The following EIF3E variants were observed in gnomAD, a reference collection of about 807,000 sequenced individuals.
EIF3E encodes eukaryotic translation initiation factor 3 subunit E.
Under a neutral mutation model 59.3 loss-of-function variants are expected in EIF3E, and 25 were observed. That is an observed-to-expected ratio of 0.42 (90% confidence interval 0.31 to 0.59). The LOEUF (loss-of-function observed/expected upper bound fraction) is 0.59. EIF3E is among the 20% of genes least tolerant of loss of function. The probability of loss-of-function intolerance (pLI) is 0.15; values close to 1 mark genes in which losing one functional copy is unlikely to be tolerated. For synonymous variants in EIF3E, 176 were observed against 170.2 expected (o/e 1.03, Z -0.26); for missense variants, 317 against 534.3 (o/e 0.59, Z 4.01).
intron 1 of EIF3E, among the ~76,000 whole-genome samples, chr8:108,245,934 C>T (rs1177201801): frequency 1.3e-5 from 2 of 152,128 alleles, no homozygotes; most frequent in Admixed American, 6.5e-5. Flanking sequence ...CTAAATGTTC[C>T]AAGACCCCCC....
chr8:108,212,629 C>T (rs1815233540), intron 10 of EIF3E, among the ~76,000 whole-genome samples: 1 of 152,104 alleles, frequency 6.6e-6, no homozygotes, highest in Admixed American at 6.6e-5. Context: ...TGGTGAAACC[C>T]CATCTCTACT....
At chr8:108,226,341 C>T (rs1482200728) in intron 7 of EIF3E, 2 of 152,016 alleles carry the variant, frequency 1.3e-5, no homozygotes, top group Admixed American at 1.3e-4. Flanking sequence ...TTACAGGTGC[C>T]TACCACCACG....
chr8:108,235,098 C>G lies in EIF3E; in HGVS notation c.371G>C (p.Arg124Thr). The part of the protein sequence containing the change: ...FDYLADKHGF[R>T]QEYLDTLYRY... Reference sequence around the variant, plus strand: ...GTAGAGTGTATCTAAATATTCCTGCCTAAACTAAAAAGAAAAAAAAAAGAT... The same window carrying G: ...GTAGAGTGTATCTAAATATTCCTGCGTAAACTAAAAAGAAAAAAAAAAGAT... The change falls in exon 5 of 13, where the codon AGG becomes ACG. Residue 124 changes from arginine (R) to threonine (T), a missense_variant. By Grantham distance (71) the Arg-to-Thr change is moderately conservative. Coordinates refer to ENST00000220849, the MANE Select transcript of EIF3E (RefSeq NM_001568.3). The G allele has an allele frequency of 6.5e-7, 1 of 1,532,614 alleles. No homozygotes were observed. Among genetic ancestry groups the G allele is most frequent in the Non-Finnish European group, 8.7e-7 (1 of 1,142,934 alleles). 94.9% of individuals were successfully genotyped at this position (1,532,614 alleles called of 1,614,324 possible). A position where few individuals can be genotyped will look rare whatever the true frequency, so the allele number is the denominator to read the frequency against.
chr8:108,223,228 G>A (rs635941), intron 7 of EIF3E, among the ~76,000 whole-genome samples: 54,696 of 151,964 alleles, frequency 0.36, 11,102 homozygotes, highest in East Asian at 0.5. Flanking sequence ...GTAAATCTGA[G>A]CTGGACCTTA....
chr8:108,235,073 G>A lies in EIF3E; in HGVS notation c.396C>T (p.Tyr132=). 6.4e-7 allele frequency: 1 copy of A among 1,574,370 alleles called. No homozygotes were observed. Among genetic ancestry groups the A allele is most frequent in the Non-Finnish European group, 8.6e-7 (1 of 1,165,952 alleles). ...ATTCGTACTGGAATTTTGCATATCT[G>A]TAGAGTGTATCTAAATATTCCTGCC... is the stretch of plus-strand genomic sequence containing the variant. ...GFRQEYLDTL[Y]RYAKFQYECG... Residue 132 remains tyrosine, a synonymous_variant, in exon 5 of 13, where the codon TAC becomes TAT. Transcript: ENST00000220849.
chr8:108,244,888 A>G (rs929498447), intron 1 of EIF3E, among the ~76,000 whole-genome samples: 1 of 151,890 alleles, frequency 6.6e-6, no homozygotes, highest in African/African-American at 2.4e-5. Flanking sequence ...TTATTCGATC[A>G]CATCTGTGCT....
intron 1 of EIF3E, chr8:108,242,584 C>T (rs1486679619): frequency 1.7e-6 from 2 of 1,164,028 alleles, no homozygotes; most frequent in Non-Finnish European, 2.2e-6. Context: ...AAGAAAAATC[C>T]AAGAAAATGC....
At chr8:108,240,486 C>T (rs1369902937) in intron 2 of EIF3E, among the ~76,000 whole-genome samples, 1 of 152,138 alleles carries the variant, frequency 6.6e-6, no homozygotes, top group Non-Finnish European at 1.5e-5. Flanking sequence ...TGAAGAAAAA[C>T]TCAGAGGGAT....
At chr8:108,238,257 T>C (rs1289580721) in intron 3 of EIF3E, among the ~76,000 whole-genome samples, 1 of 152,244 alleles carries the variant, frequency 6.6e-6, no homozygotes, top group African/African-American at 2.4e-5. Flanking sequence ...GATGTGTGTA[T>C]ATATCTCTGT....
chr8:108,242,597 C>T, intron 1 of EIF3E: 1 of 1,167,972 alleles, frequency 8.6e-7, no homozygotes, highest in Non-Finnish European at 1.1e-6. Context: ...GAAAATGCCA[C>T]AATATTTCAC....
In EIF3E at chr8:108,203,508, T is replaced by A. The variant is rs1244794335; in HGVS notation, c.1062-5A>T. The A allele has an allele frequency of 6.2e-7, 1 of 1,611,680 alleles. No homozygotes were observed. On this transcript the variant is annotated splice_region_variant and splice_polypyrimidine_tract_variant and intron_variant, in intron 10 of 12. Transcript: ENST00000220849. ...TTCAATTTATCTGCCAACATGCTAATGAAAAAGTAAAAACAGCAATGTTAA... is the reference window on the plus strand; with the variant it reads ...TTCAATTTATCTGCCAACATGCTAAAGAAAAAGTAAAAACAGCAATGTTAA...
Position 108,245,299 on chromosome 8 carries a change from CTACAAAAAA to C in EIF3E, c.90+3305_90+3313del, listed in dbSNP as rs530955162. Among the ~76,000 whole-genome samples the C allele has an allele frequency of 7.2e-5, 11 of 152,158 alleles. No homozygotes were observed. The East Asian group carries it at 1.9e-3, about 27-fold the overall frequency. On this transcript the variant is annotated intron_variant, in intron 1 of 12. Coordinates refer to ENST00000220849, the MANE Select transcript of EIF3E (RefSeq NM_001568.3). ...TGGGTAACATGGTGAAACCCCATCT[CTACAAAAAA>C]TACAAAAAAAATCAGCCGGACATGG... is the stretch of plus-strand genomic sequence containing the variant.
At chr8:108,248,505 C>A (rs1042086431) in intron 1 of EIF3E, 108 bp downstream of exon 1, 1 of 1,092,870 alleles carries the variant, frequency 9.2e-7, no homozygotes, top group Admixed American at 2.2e-5. Context: ...GAACCAAACT[C>A]GCGACCGCCT....
At position 108,202,989 on chromosome 8, in the gene EIF3E, C is replaced by T. The variant is rs534047089; in HGVS notation, c.1293G>A (p.Arg431=). 1.8e-5 allele frequency: 29 copies of T among 1,611,418 alleles called. No individual in the cohort carries two copies. In the South Asian group the frequency reaches 2.6e-4, roughly 15 times the overall value. Residue 431 remains arginine (R), a synonymous_variant, in exon 12 of 13, where the codon AGG becomes AGA. Transcript: ENST00000220849. ...GAAGATGTGTGGTTCTTACCTCTGACCTGCTATTCTGATTAAGTTTCTTCT... is the reference window on the plus strand; with the variant it reads ...GAAGATGTGTGGTTCTTACCTCTGATCTGCTATTCTGATTAAGTTTCTTCT... ...NIEKKLNQNS[R]SEAPNWATQD... is the part of the protein sequence containing the mutation.
rs187987440 is a variant in EIF3E at position 108,245,128 on chromosome 8, C to G, written c.91-3215G>C. Among the ~76,000 whole-genome samples, 207 of 151,280 alleles carry G rather than the reference C, an allele frequency of 1.4e-3. 2 individuals are homozygous for G. The highest frequency in any genetic ancestry group is 6.8e-3 in the Middle Eastern group (2 of 294). ...CTCCTCAAAACCCTCACTGCCCCCCCCTCCCATCCCATACCAATACAGAAT... is the reference window on the plus strand; with the variant it reads ...CTCCTCAAAACCCTCACTGCCCCCCGCTCCCATCCCATACCAATACAGAAT... On this transcript the variant is annotated intron_variant, in intron 1 of 12. Coordinates refer to ENST00000220849, the MANE Select transcript of EIF3E (RefSeq NM_001568.3).
At chr8:108,224,016 G>C (rs1272933514) in intron 7 of EIF3E, among the ~76,000 whole-genome samples, 1 of 150,762 alleles carries the variant, frequency 6.6e-6, no homozygotes, top group Non-Finnish European at 1.5e-5. Flanking sequence ...AGGAGATAGA[G>C]ACCATCCTGG....
intron 2 of EIF3E, among the ~76,000 whole-genome samples, chr8:108,240,737 C>T (rs899567764): frequency 6.6e-6 from 1 of 152,196 alleles, no homozygotes; most frequent in Non-Finnish European, 1.5e-5. Context: ...ACCCCAGCAA[C>T]TTGGGAGGCC....
intron 2 of EIF3E, among the ~76,000 whole-genome samples, chr8:108,240,646 G>A (rs191092835): frequency 6.6e-6 from 1 of 152,248 alleles, no homozygotes; most frequent in Admixed American, 6.5e-5. Context: ...GAGAAAACTT[G>A]CACATAACCA....
chr8:108,229,714 A>G (rs535792871), intron 5 of EIF3E, among the ~76,000 whole-genome samples: 38 of 152,188 alleles, frequency 2.5e-4, no homozygotes, highest in Non-Finnish European at 5.0e-4. Context: ...CTGATTAACA[A>G]TTAATAGTTA....
Sources: allele counts gnomAD v4.1 joint callset (sites outside exome capture counted in the v4.1 genomes callset), GRCh38; gene constraint gnomAD v4.1.1; transcripts MANE v1.5; gene names NCBI Gene and HGNC (gene_info 2026-07-23, HGNC 2026-07-21).